ROBO2: variants seen among roughly 807,000 people sequenced by gnomAD.
ROBO2 encodes roundabout guidance receptor 2, also known as roundabout homolog 2.
A neutral mutation model predicts 160.8 loss-of-function variants in ROBO2; 53 were observed. The ratio of observed to expected loss-of-function variants is 0.33; its 90% confidence interval spans 0.26 to 0.41. The LOEUF (loss-of-function observed/expected upper bound fraction) is 0.41, where lower values mean the gene tolerates loss of function less well. ROBO2 is among the 10% of genes least tolerant of loss of function. ROBO2 has a pLI of 1.00. For missense variants in ROBO2, 1,577 were observed against 1,722.4 expected, an observed-to-expected ratio of 0.92 and a Z score of 1.49; for synonymous variants, 664 against 611.7, an observed-to-expected ratio of 1.09 and a Z score of -1.26.
At chr3:76,955,326 T>C (rs1197189021) in intron 2 of ROBO2, among the ~76,000 whole-genome samples, 3 of 152,224 alleles carry the variant, frequency 2.0e-5, no homozygotes, top group African/African-American at 7.2e-5. Context: ...GAAATGTGTG[T>C]ACAAATACCT....
At chr3:76,139,669 T>TA (rs1404651275) in intron 2 of ROBO2, among the ~76,000 whole-genome samples, 3 of 151,984 alleles carry the variant, frequency 2.0e-5, no homozygotes, top group African/African-American at 7.2e-5. Context: ...TCCTGTGAAG[T>TA]AAAAAGCAGT....
chr3:76,752,507 T>G (rs1367947513), intron 2 of ROBO2, among the ~76,000 whole-genome samples: 1 of 151,702 alleles, frequency 6.6e-6, no homozygotes, highest in Non-Finnish European at 1.5e-5. Context: ...TTGTGATACA[T>G]TTTTTCTCTA....
chr3:76,213,044 C>T (rs745467617), intron 2 of ROBO2, among the ~76,000 whole-genome samples: 2 of 152,162 alleles, frequency 1.3e-5, no homozygotes, highest in African/African-American at 4.8e-5. Flanking sequence ...AAGGTAGGAA[C>T]GCATATACTA....
At chr3:76,360,208 TA>T (rs1456637478) in intron 2 of ROBO2, among the ~76,000 whole-genome samples, 1 of 152,190 alleles carries the variant, frequency 6.6e-6, no homozygotes, top group East Asian at 1.9e-4. Flanking sequence ...TCCATGTCAC[TA>T]AACTAAAGTT....
intron 2 of ROBO2, among the ~76,000 whole-genome samples, chr3:76,399,125 CAG>C (rs2077661583): frequency 6.6e-6 from 1 of 151,458 alleles, no homozygotes; most frequent in Non-Finnish European, 1.5e-5. Context: ...AAATCATATA[CAG>C]AGAGATGAAA....
chr3:76,456,306 T>C (rs2077749114), intron 2 of ROBO2, among the ~76,000 whole-genome samples: 1 of 152,202 alleles, frequency 6.6e-6, no homozygotes, highest in Admixed American at 6.5e-5. Flanking sequence ...AGGTAGAAAT[T>C]TAATGACATT....
intron 2 of ROBO2, among the ~76,000 whole-genome samples, chr3:75,967,757 A>C (rs1949169442): frequency 1.3e-5 from 2 of 151,624 alleles, no homozygotes. Context: ...TCTTTAAATA[A>C]ACACAGTTAC....
intron 2 of ROBO2, among the ~76,000 whole-genome samples, chr3:76,178,433 G>A (rs1162073937): frequency 6.6e-6 from 1 of 152,150 alleles, no homozygotes; most frequent in Non-Finnish European, 1.5e-5. Context: ...GAAAAACAAT[G>A]TTAAGCAGGA....
intron 2 of ROBO2, among the ~76,000 whole-genome samples, chr3:76,017,836 A>G (rs978712853): frequency 2.6e-5 from 4 of 152,100 alleles, no homozygotes; most frequent in Admixed American, 2.6e-4. Flanking sequence ...TATTGATCCA[A>G]TTGAATAAAA....
intron 1 of ROBO2, among the ~76,000 whole-genome samples, chr3:77,090,601 G>A (rs771549216): frequency 2.0e-5 from 3 of 151,802 alleles, no homozygotes; most frequent in East Asian, 1.9e-4. Flanking sequence ...TGATCTGCCC[G>A]CCTCGGCCTC....
At chr3:76,535,987 T>A (rs539634671) in intron 2 of ROBO2, among the ~76,000 whole-genome samples, 1 of 152,016 alleles carries the variant, frequency 6.6e-6, no homozygotes, top group Non-Finnish European at 1.5e-5. Flanking sequence ...GCCCTAGAAG[T>A]GGCTGCAATA....
At chr3:75,958,272 T>G (rs769619901) in intron 2 of ROBO2, among the ~76,000 whole-genome samples, 1 of 151,826 alleles carries the variant, frequency 6.6e-6, no homozygotes, top group Non-Finnish European at 1.5e-5. Context: ...AACTTATTTT[T>G]ATTTGTTCAA....
chr3:77,420,746 A>T (rs1382943161), intron 2 of ROBO2, among the ~76,000 whole-genome samples: 1 of 152,142 alleles, frequency 6.6e-6, no homozygotes, highest in Non-Finnish European at 1.5e-5. Flanking sequence ...GACTCTGCTG[A>T]TTTGGAGATG....
chr3:76,273,120 A>ATATATATATATATAT (rs1707689323), intron 2 of ROBO2, among the ~76,000 whole-genome samples: 1 of 32,328 alleles, frequency 3.1e-5, no homozygotes, highest in African/African-American at 5.7e-5. Flanking sequence ...CACACATATA[A>ATATATATATATATAT]ATATATATAT....
At chr3:76,783,339 T>G (rs1051206510) in intron 2 of ROBO2, among the ~76,000 whole-genome samples, 3 of 150,888 alleles carry the variant, frequency 2.0e-5, no homozygotes, top group African/African-American at 7.3e-5. Context: ...AGACTTTGAC[T>G]ATATTTTTCC....
rs556636998 is a variant in ROBO2, at chr3:77,586,981, G to C, written c.2501-1770G>C. On this transcript the variant is annotated intron_variant, in intron 16 of 25. Transcript: ENST00000461745. ...TTAATACAAAAGACCTTTCAGGAATGGATTATAAGTATGTATAAGGAAATG... is the reference window on the plus strand; with the variant it reads ...TTAATACAAAAGACCTTTCAGGAATCGATTATAAGTATGTATAAGGAAATG... 2.5e-3 allele frequency among the ~76,000 whole-genome samples: 376 copies of C among 151,812 alleles called. 2 individuals are homozygous for C. The highest frequency in any genetic ancestry group is 3.5e-3 in the Non-Finnish European group (240 of 67,884).
At chr3:77,329,185 G>A (rs2065743414) in intron 2 of ROBO2, among the ~76,000 whole-genome samples, 1 of 152,170 alleles carries the variant, frequency 6.6e-6, no homozygotes, top group South Asian at 2.1e-4. Flanking sequence ...GCAATCTGAA[G>A]CTAATTTAGC....
chr3:76,525,732 C>A (rs1454872313), intron 2 of ROBO2, among the ~76,000 whole-genome samples: 2 of 151,968 alleles, frequency 1.3e-5, no homozygotes, highest in African/African-American at 4.8e-5. Flanking sequence ...TTCTTGTATA[C>A]AGCCTTCATA....
intron 1 of ROBO2, among the ~76,000 whole-genome samples, chr3:77,089,520 T>C (rs2069832188): frequency 6.6e-6 from 1 of 152,216 alleles, no homozygotes; most frequent in Non-Finnish European, 1.5e-5. Flanking sequence ...ACTGAAAAGT[T>C]ATTTTGAAAT....
Sources: gnomAD v4.1 joint callset for allele counts (sites outside exome capture counted in the v4.1 genomes callset) on GRCh38, gnomAD v4.1.1 for gene constraint, MANE v1.5 for transcripts, NCBI Gene and HGNC (gene_info 2026-07-23, HGNC 2026-07-21) for gene names.